ZNF100: variants seen among roughly 807,000 people sequenced by gnomAD.
ZNF100 encodes the protein zinc finger protein 100 (Y1).
In ZNF100, 12 loss-of-function variants were observed where a neutral mutation model predicts 15.8. The ratio of observed to expected loss-of-function variants is 0.76; its 90% CI spans 0.49 to 1.23. ZNF100 has a LOEUF of 1.23. ZNF100 is among the 50% of genes most tolerant of loss of function. The pLI is 0.00. For missense variants in ZNF100, 670 were observed against 635.6 expected, an observed-to-expected ratio of 1.05 and a Z score of -0.58; for synonymous variants, 226 against 214.8, an observed-to-expected ratio of 1.05 and a Z score of -0.45.
At chr19:21,730,345 G>A (rs557980945) in intron 4 of ZNF100, among the ~76,000 whole-genome samples, 31 of 151,830 alleles carry the variant, frequency 2.0e-4, no homozygotes, top group Admixed American at 2.0e-4. Flanking sequence ...TACATCTTAC[G>A]TGAAAAACTT....
intron 2 of ZNF100, among the ~76,000 whole-genome samples, chr19:21,750,282 C>T (rs936153506): frequency 3.0e-4 from 46 of 152,166 alleles, no homozygotes; most frequent in Admixed American, 2.3e-3. Flanking sequence ...CAAAGAAGAG[C>T]TGGTACCACT....
In ZNF100 at chr19:21,740,956, T is replaced by G. The variant is rs548597406; in HGVS notation, c.322+3061A>C. Among the ~76,000 whole-genome samples the G allele has an allele frequency of 2.0e-5, 3 of 152,184 alleles. No individual in the cohort carries two copies. In the East Asian group the frequency reaches 5.8e-4, roughly 29 times the overall value. On this transcript the variant is annotated intron_variant, in intron 4 of 4. Coordinates refer to ENST00000358296, the MANE Select transcript of ZNF100 (RefSeq NM_173531.4). ...GCAACAAAAGACCTAGAAGACATAT[T>G]TGAACATCTATGATTATTGTACCAG...
At chr19:21,764,629 G>C (rs946983816) in intron 2 of ZNF100, among the ~76,000 whole-genome samples, 1 of 149,868 alleles carries the variant, frequency 6.7e-6, no homozygotes, top group Non-Finnish European at 1.5e-5. Context: ...GACAGAACCA[G>C]ACTCCGTGTG....
At chr19:21,761,678 T>C (rs560306721) in intron 2 of ZNF100, among the ~76,000 whole-genome samples, 60 of 152,368 alleles carry the variant, frequency 3.9e-4, no homozygotes, top group African/African-American at 1.2e-3. Context: ...ACTTTTTTTT[T>C]TTATGTTCAC....
intron 4 of ZNF100, among the ~76,000 whole-genome samples, chr19:21,733,985 T>G (rs1402234525): frequency 6.6e-6 from 1 of 152,172 alleles, no homozygotes; most frequent in Non-Finnish European, 1.5e-5. Context: ...AAGACGGGCC[T>G]GACTGTTAAA....
In ZNF100 at chr19:21,727,158, A is replaced by T; in HGVS notation, c.1154T>A (p.Phe385Tyr). 6.3e-7 allele frequency: 1 copy of T among 1,599,606 alleles called. No individual in the cohort carries two copies. Among genetic ancestry groups the T allele is most frequent in the African/African-American group, 1.4e-5 (1 of 71,222 alleles). The change falls in exon 5 of 5, where the codon TTC becomes TAC. Residue 385 changes from phenylalanine to tyrosine, a missense_variant. Physicochemically the swap from Phe to Tyr is conservative, Grantham distance 22. Transcript: ENST00000358296. ...TGTCTTATGTTTAGTAAGGTATGAG[A>T]ATCGGTAAAAAGCTTTGCCACATTC... ...CEECGKAFYR[F>Y]SYLTKHKTSH...
At chr19:21,752,067 C>A in intron 2 of ZNF100, 1 of 234,032 alleles carries the variant, frequency 4.3e-6, no homozygotes, top group Non-Finnish European at 8.1e-6. Context: ...CAACAAGGAT[C>A]ATACTCCATA....
chr19:21,753,235 A>G, intron 2 of ZNF100: 1 of 152,214 alleles, frequency 6.6e-6, no homozygotes, highest in Non-Finnish European at 1.5e-5. Flanking sequence ...TTCAACCTGG[A>G]CAACATATCG....
At chr19:21,743,288 T>A (rs1001128709) in intron 4 of ZNF100, 15 of 152,202 alleles carry the variant, frequency 9.9e-5, no homozygotes, top group Admixed American at 3.9e-4. Context: ...ACACAAATTT[T>A]AAAATATTTC....
chr19:21,767,402 G>C (rs1400409960), intron 1 of ZNF100, 25 bp downstream of exon 1: 1 of 1,614,076 alleles, frequency 6.2e-7, no homozygotes, highest in Non-Finnish European at 8.5e-7. Context: ...GCCGTCTCTC[G>C]GGATGTCGGA....
intron 4 of ZNF100, among the ~76,000 whole-genome samples, chr19:21,732,426 T>C (rs1394139610): frequency 6.6e-6 from 1 of 152,026 alleles, no homozygotes; most frequent in Non-Finnish European, 1.5e-5. Context: ...AGAGATGATA[T>C]TTGTAGAGGC....
At chr19:21,741,538 C>T (rs12972582) in intron 4 of ZNF100, among the ~76,000 whole-genome samples, 12,259 of 152,020 alleles carry the variant, frequency 0.081, 624 homozygotes, top group South Asian at 0.18. Flanking sequence ...CAAGGCCCCG[C>T]TAATTTTTGT....
intron 2 of ZNF100, among the ~76,000 whole-genome samples, chr19:21,760,629 A>T (rs1345575716): frequency 6.6e-6 from 1 of 152,080 alleles, no homozygotes; most frequent in East Asian, 1.9e-4. Context: ...CCAGACAATC[A>T]TCTTGTGTTG....
chr19:21,733,059 T>C (rs1265856148), intron 4 of ZNF100, among the ~76,000 whole-genome samples: 28 of 152,228 alleles, frequency 1.8e-4, no homozygotes, highest in Admixed American at 1.8e-3. Context: ...AAACTCTGCA[T>C]ATAAACAAAA....
In ZNF100 at chr19:21,725,780, A is replaced by T. The variant is rs1175885475; in HGVS notation, c.*903T>A. Reference sequence around the variant, plus strand: ...AATATTTTACCAATTTTAGTTTTAGATTATTTTCTATACTCAGCACTCTGA... The same window carrying T: ...AATATTTTACCAATTTTAGTTTTAGTTTATTTTCTATACTCAGCACTCTGA... On this transcript the variant is annotated 3_prime_UTR_variant, in exon 5 of 5. Coordinates refer to ENST00000358296, the MANE Select transcript of ZNF100 (RefSeq NM_173531.4). 6.6e-6 allele frequency: 1 copy of T among 151,838 alleles called. No homozygotes were observed. Among genetic ancestry groups the T allele is most frequent in the African/African-American group, 2.4e-5 (1 of 41,240 alleles). The allele number at this position is 151,838 out of a possible 1,614,324, so 9.4% of individuals were successfully genotyped here.
chr19:21,753,803 A>G (rs979015044), intron 2 of ZNF100, among the ~76,000 whole-genome samples: 1 of 152,202 alleles, frequency 6.6e-6, no homozygotes, highest in Non-Finnish European at 1.5e-5. Flanking sequence ...ACTGTTAATT[A>G]ACATGTAATA....
chr19:21,764,572 G>A (rs1389971777), intron 2 of ZNF100, among the ~76,000 whole-genome samples: 1 of 151,854 alleles, frequency 6.6e-6, no homozygotes, highest in Non-Finnish European at 1.5e-5. Context: ...CCCGGGAGGC[G>A]GAGGTTGCAG....
At chr19:21,763,886 T>G (rs1332409606) in intron 2 of ZNF100, among the ~76,000 whole-genome samples, 1 of 152,192 alleles carries the variant, frequency 6.6e-6, no homozygotes, top group East Asian at 1.9e-4. Context: ...GTATTCCTCC[T>G]GTTCTAATAC....
At chr19:21,728,876 G>A (rs1289220421) in intron 4 of ZNF100, among the ~76,000 whole-genome samples, 1 of 151,566 alleles carries the variant, frequency 6.6e-6, no homozygotes, top group Non-Finnish European at 1.5e-5. Context: ...GGAAGACAGA[G>A]AACTATAGAA....
Sources: allele counts gnomAD v4.1 joint callset (sites outside exome capture counted in the v4.1 genomes callset), GRCh38; gene constraint gnomAD v4.1.1; transcripts MANE v1.5; gene names NCBI Gene and HGNC (gene_info 2026-07-23, HGNC 2026-07-21).